The following OMD variants were observed in gnomAD, a reference collection of about 807,000 sequenced individuals.
The protein encoded by OMD is osteomodulin.
Under a neutral mutation model 31.2 loss-of-function variants are expected in OMD, and 19 were observed. The ratio of observed to expected loss-of-function variants is 0.61; its 90% confidence interval spans 0.42 to 0.89. The LOEUF is 0.89. Among genes scored for constraint, OMD ranks in the 40% least tolerant of loss-of-function variants. The pLI is 0.00. For missense variants in OMD, 448 were observed against 490.8 expected, an observed-to-expected ratio of 0.91 and a Z score of 0.82; for synonymous variants, 155 against 166.4, an observed-to-expected ratio of 0.93 and a Z score of 0.53.
chr9:92,416,870 C>T lies in OMD; in HGVS notation c.689G>A (p.Gly230Asp), dbSNP rs1235208657. Residue 230 changes from glycine to aspartate, a missense_variant, in exon 2 of 3, where the codon GGT (glycine) becomes GAT (aspartate). Physicochemically the swap from Gly to Asp is moderately conservative, Grantham distance 94 (BLOSUM62 -1). Coordinates refer to ENST00000375550, the MANE Select transcript of OMD (RefSeq NM_005014.3). ...CSNRLESMPPGLPSSLMYLSL... is the reference protein window; with the variant it reads ...CSNRLESMPPDLPSSLMYLSL... ...CAGATACATAAGTGAAGAAGGCAAA[C>T]CAGGAGGCATTGATTCTAATCTGTT... 2 of 1,613,908 alleles carry T rather than the reference C, an allele frequency of 1.2e-6. No homozygotes were observed. The highest frequency in any genetic ancestry group is 2.2e-5 in the South Asian group (2 of 91,080).
chr9:92,415,309 C>T lies in OMD; in HGVS notation c.1109G>A (p.Gly370Asp). 1 of 1,613,650 alleles carries T rather than the reference C, an allele frequency of 6.2e-7. No homozygotes were observed. The highest frequency in any genetic ancestry group is 8.5e-7 in the Non-Finnish European group (1 of 1,179,800). Residue 370 changes from glycine to aspartate, a missense_variant, in exon 3 of 3, where the codon GGT becomes GAT. Transcript: ENST00000375550. ...TTGTGTCTTTAGTTGTATTGTTTGA[C>T]CATTAGTGCTTCGTTGTTCACCATA... ...IYYGEQRSTN[G>D]QTIQLKTQVF...
At chr9:92,419,953 T>A (rs532571940) in intron 1 of OMD, among the ~76,000 whole-genome samples, 1 of 152,302 alleles carries the variant, frequency 6.6e-6, no homozygotes, top group Non-Finnish European at 1.5e-5. Context: ...TTAAGAAACA[T>A]CTCAATTTCT....
chr9:92,418,233 C>T (rs942136729), intron 1 of OMD, among the ~76,000 whole-genome samples: 9 of 151,832 alleles, frequency 5.9e-5, no homozygotes, highest in Non-Finnish European at 8.8e-5. Context: ...ACTACAGGCG[C>T]GTGCCACCAC....
chr9:92,419,463 G>T (rs1252763083), intron 1 of OMD, among the ~76,000 whole-genome samples: 1 of 151,820 alleles, frequency 6.6e-6, no homozygotes, highest in Non-Finnish European at 1.5e-5. Flanking sequence ...ACCACACCCG[G>T]CTAATTTTTG....
Position 92,415,229 on chromosome 9 carries a change from C to G in OMD, c.1189G>C (p.Asp397His). The G allele has an allele frequency of 6.2e-7, 1 of 1,613,804 alleles. No homozygotes were observed. The highest frequency in any genetic ancestry group is 8.5e-7 in the Non-Finnish European group (1 of 1,179,830). The change falls in exon 3 of 3, where the codon GAC becomes CAC. Residue 397 changes from aspartate (D) to histidine (H), a missense_variant. Transcript: ENST00000375550. ...TGTTCTGGGCTCTCATGAGCATTGT[C>G]AGGATCATCGTGATCTTCACTTTCA... ...DDESEDHDDP[D>H]NAHESPEQEG...
chr9:92,420,376 C>T (rs1315627764), intron 1 of OMD, among the ~76,000 whole-genome samples: 1 of 152,174 alleles, frequency 6.6e-6, no homozygotes, highest in Non-Finnish European at 1.5e-5. Flanking sequence ...CTTTCTGGCT[C>T]CTTCAATCTG....
chr9:92,414,517 A>G lies in OMD; in HGVS notation c.*635T>C. The G allele has an allele frequency of 4.8e-6, 1 of 209,970 alleles. No individual in the cohort carries two copies. The highest frequency in any genetic ancestry group is 7.3e-5 in the East Asian group (1 of 13,778). 13.0% of individuals were successfully genotyped at this position (209,970 alleles called of 1,614,324 possible). A position where few individuals can be genotyped will look rare whatever the true frequency, so the allele number is the denominator to read the frequency against. On this transcript the variant is annotated 3_prime_UTR_variant, in exon 3 of 3. Coordinates refer to ENST00000375550, the MANE Select transcript of OMD (RefSeq NM_005014.3). ...TTTTGTTGTTTTGGTATTCTGAGGC[A>G]AAAAGATTAGTTAATTTTGTGAATC...
rs1254350915 is a variant in OMD, at chr9:92,412,902, GGTGTGAACAT to G, written c.*2240_*2249del. Among the ~76,000 whole-genome samples the G allele has an allele frequency of 6.6e-6, 1 of 150,786 alleles. No homozygotes were observed. Among genetic ancestry groups the G allele is most frequent in the Non-Finnish European group, 1.5e-5 (1 of 67,780 alleles). ...CTGTGGACATTTATATGCAAATTTT[GGTGTGAACAT>G]GTGTGTTCAGTTCTATTGGGTATAT... On this transcript the variant is annotated 3_prime_UTR_variant, in exon 3 of 3. Coordinates refer to ENST00000375550, the MANE Select transcript of OMD (RefSeq NM_005014.3).
At chr9:92,416,598 A>G (rs550372297) in intron 2 of OMD, 21 bp downstream of exon 2, 2 of 1,384,346 alleles carry the variant, frequency 1.4e-6, no homozygotes, top group African/African-American at 2.9e-5. Context: ...TCTCTTCAAA[A>G]CACAATAAAA....
In OMD at chr9:92,413,507, A is replaced by G. The variant is rs1052837715; in HGVS notation, c.*1645T>C. 5.9e-5 allele frequency among the ~76,000 whole-genome samples: 9 copies of G among 152,184 alleles called. No homozygotes were observed. Among genetic ancestry groups the G allele is most frequent in the Non-Finnish European group, 1.2e-4 (8 of 68,024 alleles). ...CATAAATTTTAAATTGCTCTAGGTT[A>G]GGAATTGTCTTATCTTTGTTTTCTA... On this transcript the variant is annotated 3_prime_UTR_variant, in exon 3 of 3. Transcript: ENST00000375550.
At position 92,412,504 on chromosome 9, in the gene OMD, T is replaced by G. The variant is rs2130950110; in HGVS notation, c.*2648A>C. 6.6e-6 allele frequency among the ~76,000 whole-genome samples: 1 copy of G among 151,954 alleles called. No homozygotes were observed. Among genetic ancestry groups the G allele is most frequent in the Non-Finnish European group, 1.5e-5 (1 of 67,878 alleles). On this transcript the variant is annotated 3_prime_UTR_variant, in exon 3 of 3. Transcript: ENST00000375550. ...AAACCATATACCCATTAGCAGTTACTTCTCACTTTCCCCATTCCCATGATC... is the reference window on the plus strand; with the variant it reads ...AAACCATATACCCATTAGCAGTTACGTCTCACTTTCCCCATTCCCATGATC...
At chr9:92,417,809 C>T (rs1843664577) in intron 1 of OMD, among the ~76,000 whole-genome samples, 1 of 152,148 alleles carries the variant, frequency 6.6e-6, no homozygotes, top group Admixed American at 6.5e-5. Context: ...ACTTCTGCCT[C>T]CCAGGCTCCC....
rs1286444829 is a variant in OMD, at chr9:92,416,768, A to G, written c.791T>C (p.Met264Thr). 3.7e-6 allele frequency: 6 copies of G among 1,613,770 alleles called. No homozygotes were observed. In the African/African-American group the frequency reaches 4.0e-5, roughly 11 times the overall value. ...DKLPKLHTLR[M>T]SHNKLQDIPY... ...GATGTCTTGTAGTTTGTTGTGTGAC[A>G]TTCTTAGAGTATGAAGTTTTGGAAG... is the stretch of plus-strand genomic sequence containing the variant. Residue 264 changes from methionine to threonine, a missense_variant, in exon 2 of 3, where the codon ATG (methionine) becomes ACG (threonine). By Grantham distance (81) the Met-to-Thr change is moderately conservative. Transcript: ENST00000375550.
chr9:92,417,815 C>T (rs1843664935), intron 1 of OMD, among the ~76,000 whole-genome samples: 1 of 152,204 alleles, frequency 6.6e-6, no homozygotes, highest in East Asian at 1.9e-4. Flanking sequence ...GCCTCCCAGG[C>T]TCCCAGGTTC....
At chr9:92,420,188 T>A (rs1369219516) in intron 1 of OMD, among the ~76,000 whole-genome samples, 1 of 152,188 alleles carries the variant, frequency 6.6e-6, no homozygotes, top group Non-Finnish European at 1.5e-5. Flanking sequence ...CTCAGACCAC[T>A]ATCTCTATGT....
chr9:92,419,835 C>G (rs929381800), intron 1 of OMD, among the ~76,000 whole-genome samples: 3 of 152,090 alleles, frequency 2.0e-5, no homozygotes, highest in African/African-American at 7.2e-5. Flanking sequence ...AATGAAATGA[C>G]TTATCTCCTG....
chr9:92,417,972 C>A (rs1843669261), intron 1 of OMD, among the ~76,000 whole-genome samples: 1 of 152,214 alleles, frequency 6.6e-6, no homozygotes, highest in Non-Finnish European at 1.5e-5. Context: ...AAGGGATCCT[C>A]TGGCCTCGGC....
In OMD at chr9:92,415,158, T is replaced by C; in HGVS notation, c.1260A>G (p.Gln420=). ...GHFDLHYYEN[Q]E ...ATACCTATATAGTTTCTTGCTATTC[T>C]TGATTTTCATAATAATGAAGGTCAA... Residue 420 remains glutamine, a synonymous_variant, in exon 3 of 3, where the codon CAA becomes CAG. Transcript: ENST00000375550. 6.2e-7 allele frequency: 1 copy of C among 1,602,636 alleles called. No individual in the cohort carries two copies. The highest frequency in any genetic ancestry group is 1.3e-5 in the African/African-American group (1 of 74,146).
chr9:92,417,481 CTGA>C lies in OMD; in HGVS notation c.75_77del (p.Tyr25_Gln26delinsTer), dbSNP rs761557461. ...GCTCTTGGTCATAGTCTTCATCCCA[CTGA>C]TAAGTTTCATATTGGCAATGTACTT... On this transcript the variant is annotated stop_gained and inframe_deletion, in exon 2 of 3. Transcript: ENST00000375550. LOFTEE classifies it high-confidence loss of function. The C allele has an allele frequency of 1.5e-5, 25 of 1,613,788 alleles. No individual in the cohort carries two copies. The African/African-American group carries it at 3.3e-4, about 22-fold the overall frequency.
Sources: gnomAD v4.1 joint callset for allele counts (sites outside exome capture counted in the v4.1 genomes callset) on GRCh38, gnomAD v4.1.1 for gene constraint, MANE v1.5 for transcripts, NCBI Gene and HGNC (gene_info 2026-07-23, HGNC 2026-07-21) for gene names.